NEK4: variants seen among roughly 807,000 people sequenced by gnomAD.
NEK4 encodes NIMA related kinase 4, also known as serine/threonine-protein kinase Nek4.
NEK4 carries 86 observed loss-of-function variants against 98.4 expected under a neutral mutation model. The ratio of observed to expected loss-of-function variants is 0.87; its 90% CI spans 0.73 to 1.05. The LOEUF (loss-of-function observed/expected upper bound fraction) is 1.05, where lower values mean the gene tolerates loss of function less well. Among genes scored for constraint, NEK4 ranks in the 50% least tolerant of loss-of-function variants. The probability of loss-of-function intolerance (pLI) is 0.00; values close to 1 mark genes in which losing one functional copy is unlikely to be tolerated. For synonymous variants in NEK4, 328 were observed against 342.2 expected (o/e 0.96, Z 0.46); for missense variants, 898 against 950.3 (o/e 0.94, Z 0.72).
chr3:52,754,591 G>C, intron 6 of NEK4: 1 of 1,234,290 alleles, frequency 8.1e-7, no homozygotes, highest in Non-Finnish European at 1.2e-6. Context: ...ACTCAGAAAA[G>C]CCTGAAGAAC....
At chr3:52,736,895 G>T (rs1158192930) in intron 15 of NEK4, among the ~76,000 whole-genome samples, 4 of 152,056 alleles carry the variant, frequency 2.6e-5, no homozygotes, top group African/African-American at 7.2e-5. Flanking sequence ...CTAAATTTTT[G>T]ATTTAGAATG....
At chr3:52,732,784 G>T in intron 15 of NEK4, 1 of 251,430 alleles carries the variant, frequency 4.0e-6, no homozygotes, top group South Asian at 6.6e-5. Context: ...GACTCTGCAG[G>T]GTGAAGATAG....
intron 1 of NEK4, among the ~76,000 whole-genome samples, chr3:52,769,616 C>T (rs1698705343): frequency 6.6e-6 from 1 of 152,220 alleles, no homozygotes; most frequent in South Asian, 2.1e-4. Context: ...TATGCATGAG[C>T]TTGTGTTCCA....
At position 52,744,321 on chromosome 3, in the gene NEK4, AC is replaced by A; in HGVS notation, c.1828-17del. On this transcript the variant is annotated splice_polypyrimidine_tract_variant and intron_variant, in intron 10 of 15. Coordinates refer to ENST00000233027, the MANE Select transcript of NEK4 (RefSeq NM_003157.6). ...ATGGTCGATCCTTTAAAAGAAAGTC[AC>A]AGAGTCACTTCCATTCCTACTTGCT... is the stretch of plus-strand genomic sequence containing the variant. 1.3e-6 allele frequency: 2 copies of A among 1,595,566 alleles called. No individual in the cohort carries two copies. Among genetic ancestry groups the A allele is most frequent in the Non-Finnish European group, 1.7e-6 (2 of 1,164,740 alleles).
In NEK4 at chr3:52,751,943, G is replaced by A. The variant is rs930731896; in HGVS notation, c.1357C>T (p.Pro453Ser). 1 of 1,613,050 alleles carries A rather than the reference G, an allele frequency of 6.2e-7. No individual in the cohort carries two copies. Among genetic ancestry groups the A allele is most frequent in the Admixed American group, 1.7e-5 (1 of 59,962 alleles). ...TGCATATCACTCACCTGGTCCTTTG[G>A]CTTTTGTTCTTTGATTAGGGGCTGC... is the stretch of plus-strand genomic sequence containing the variant. ...PLQPLIKEQK[P>S]KDQSLALSPK... is the part of the protein sequence containing the mutation. The change falls in exon 7 of 16, where the codon CCA (proline) becomes TCA (serine). Residue 453 changes from proline to serine, a missense_variant. Physicochemically the swap from Pro to Ser is moderately conservative, Grantham distance 74. Coordinates refer to ENST00000233027, the MANE Select transcript of NEK4 (RefSeq NM_003157.6).
Position 52,750,947 on chromosome 3 carries a change from T to G in NEK4, c.1368+985A>C, listed in dbSNP as rs551164569. 2.6e-5 allele frequency among the ~76,000 whole-genome samples: 4 copies of G among 152,148 alleles called. No homozygotes were observed. In the South Asian group the frequency reaches 8.3e-4, roughly 32 times the overall value. ...GTCTCAAAAAATTAAAAAATGAAAT[T>G]TTTTTAAAAAAGGAATAAAATGTTG... On this transcript the variant is annotated intron_variant, in intron 7 of 15. Coordinates refer to ENST00000233027, the MANE Select transcript of NEK4 (RefSeq NM_003157.6).
In NEK4 at chr3:52,768,603, T is replaced by C; in HGVS notation, c.95A>G (p.Tyr32Cys). Reference sequence around the variant, plus strand: ...TCGGAGGTTCAGTTTTTTGATGACATACTAAAAACAAACCATGTATTTTTA... The same window carrying C: ...TCGGAGGTTCAGTTTTTTGATGACACACTAAAAACAAACCATGTATTTTTA... Reference protein sequence around the residue: ...LVKHRRDGKQYVIKKLNLRNA... With the variant: ...LVKHRRDGKQCVIKKLNLRNA... Residue 32 changes from tyrosine to cysteine, a missense_variant and splice_region_variant, in exon 2 of 16, where the codon TAT (tyrosine) becomes TGT (cysteine). Coordinates refer to ENST00000233027, the MANE Select transcript of NEK4 (RefSeq NM_003157.6). 1.9e-6 allele frequency: 3 copies of C among 1,613,018 alleles called. No individual in the cohort carries two copies. The highest frequency in any genetic ancestry group is 1.1e-5 in the South Asian group (1 of 91,068).
chr3:52,715,956 T>C (rs1041479252), intron 15 of NEK4, among the ~76,000 whole-genome samples: 1 of 152,226 alleles, frequency 6.6e-6, no homozygotes, highest in Non-Finnish European at 1.5e-5. Flanking sequence ...CTGTGGTTCC[T>C]GGCATCTCCA....
intron 2 of NEK4, among the ~76,000 whole-genome samples, chr3:52,766,915 AGC>A (rs1239755445): frequency 6.6e-6 from 1 of 152,088 alleles, no homozygotes; most frequent in Non-Finnish European, 1.5e-5. Context: ...GAACCCGGGA[AGC>A]GGAGCTTGCA....
intron 15 of NEK4, among the ~76,000 whole-genome samples, chr3:52,715,064 G>A (rs2097353928): frequency 6.6e-6 from 1 of 152,242 alleles, no homozygotes; most frequent in Non-Finnish European, 1.5e-5. Flanking sequence ...GCAGAAGGGG[G>A]CGGGTCCCCG....
intron 15 of NEK4, among the ~76,000 whole-genome samples, chr3:52,726,968 C>CTTTT (rs35173917): frequency 8.0e-6 from 1 of 124,392 alleles, no homozygotes; most frequent in Non-Finnish European, 1.6e-5. Flanking sequence ...GCATCTAAAA[C>CTTTT]TTTTTTTTTT....
In NEK4 at chr3:52,766,392, G is replaced by T. The variant is rs1206920200; in HGVS notation, c.361-17C>A. The T allele has an allele frequency of 1.9e-6, 3 of 1,562,334 alleles. No homozygotes were observed. The highest frequency in any genetic ancestry group is 8.8e-7 in the Non-Finnish European group (1 of 1,133,646). On this transcript the variant is annotated splice_polypyrimidine_tract_variant and intron_variant, in intron 2 of 15. Transcript: ENST00000233027. ...ATGTAAATACTGAGGAAAGAAACAA[G>T]ATTTTATTACATATAAATAGACTTA...
intron 12 of NEK4, among the ~76,000 whole-genome samples, chr3:52,741,945 A>G (rs545165418): frequency 6.6e-6 from 1 of 151,912 alleles, no homozygotes; most frequent in African/African-American, 2.4e-5. Context: ...ACGCCCAGCT[A>G]ATTTTTGTAT....
At chr3:52,737,940 A>C (rs1428365188) in intron 14 of NEK4, among the ~76,000 whole-genome samples, 1 of 151,832 alleles carries the variant, frequency 6.6e-6, no homozygotes, top group African/African-American at 2.4e-5. Flanking sequence ...CAGCCTCCCG[A>C]CTATTTGGGA....
In NEK4 at chr3:52,766,321, G is replaced by GGAA; in HGVS notation, c.412_414dup (p.Phe138dup). 2 of 1,614,020 alleles carry GGAA rather than the reference G, an allele frequency of 1.2e-6. No homozygotes were observed. Among genetic ancestry groups the GGAA allele is most frequent in the Non-Finnish European group, 1.7e-6 (2 of 1,179,924 alleles). ...ACTTTGATGATGTTTGTTCTTGTTA[G>GGAA]GAAGACATTTTGAGTTTTCAGATCT... On this transcript the variant is annotated inframe_insertion, in exon 3 of 16. Transcript: ENST00000233027.
rs146877089 is a variant in NEK4 at position 52,752,016 on chromosome 3, C to T, written c.1284G>A (p.Trp428Ter). The T allele has an allele frequency of 1.1e-5, 18 of 1,614,194 alleles. No individual in the cohort carries two copies. In the Middle Eastern group the frequency reaches 1.7e-3, roughly 148 times the overall value. The change falls in exon 7 of 16, where the codon TGG (tryptophan) becomes TGA (stop). Residue 428 changes from tryptophan to a stop codon, truncating the protein, a stop_gained. Transcript: ENST00000233027. LOFTEE classifies it high-confidence loss of function. ...SAQPENLIPM[W>*]SSDIVTGEKN... ...TTTCCCCAGTGACAATGTCAGAGGA[C>T]CACATGGGAATCAGGTTTTCAGGCT...
intron 6 of NEK4, 38 bp from the exon 7 acceptor site, chr3:52,752,374 C>T (rs1227909553): frequency 1.9e-6 from 3 of 1,558,148 alleles, no homozygotes; most frequent in Admixed American, 2.0e-5. Context: ...TATAGCACTC[C>T]TCATATCTTA....
rs762586566 is a variant in NEK4 at position 52,760,917 on chromosome 3, T to C, written c.841A>G (p.Ile281Val). The change falls in exon 6 of 16, where the codon ATT (isoleucine) becomes GTT (valine). Residue 281 changes from isoleucine to valine, a missense_variant. By Grantham distance (29) the Ile-to-Val change is conservative (BLOSUM62 3). Coordinates refer to ENST00000233027, the MANE Select transcript of NEK4 (RefSeq NM_003157.6). ...ATKIKTSKNN[I>V]KNGDSQSKPF... ...TTGGATTGAGAGTCACCATTTTTAA[T>C]GTTATTTTTGGAGGTTTTTCTTTAT... The C allele has an allele frequency of 6.3e-7, 1 of 1,583,696 alleles. No individual in the cohort carries two copies. Among genetic ancestry groups the C allele is most frequent in the Admixed American group, 1.9e-5 (1 of 52,224 alleles).
At chr3:52,735,143 T>C (rs1006555465) in intron 15 of NEK4, 2 of 153,220 alleles carry the variant, frequency 1.3e-5, no homozygotes, top group Non-Finnish European at 2.9e-5. Flanking sequence ...AGTATACTAC[T>C]TTTATTTCTA....
Sources: allele counts gnomAD v4.1 joint callset (sites outside exome capture counted in the v4.1 genomes callset), GRCh38; gene constraint gnomAD v4.1.1; transcripts MANE v1.5; gene names NCBI Gene and HGNC (gene_info 2026-07-23, HGNC 2026-07-21).